Variants in GRIN2A observed in about 807,000 individuals in gnomAD.
GRIN2A encodes the protein glutamate ionotropic receptor NMDA type subunit 2A.
A neutral mutation model predicts 113.4 loss-of-function variants in GRIN2A; 22 were observed. That is an observed-to-expected ratio of 0.19 (90% CI 0.14 to 0.28). The LOEUF (loss-of-function observed/expected upper bound fraction) is 0.28. Ranked by LOEUF, GRIN2A falls within the 10% of genes least tolerant of loss-of-function variation. GRIN2A has a pLI of 1.00. For missense variants in GRIN2A, 1,502 were observed against 1,887.0 expected (o/e 0.80, Z 3.78); for synonymous variants, 827 against 738.4 (o/e 1.12, Z -1.94).
chr16:9,849,690 C>G, intron 5 of GRIN2A, 66 bp downstream of exon 5: 2 of 1,129,060 alleles, frequency 1.8e-6, no homozygotes, highest in African/African-American at 1.5e-5. Flanking sequence ...CATATTGTTA[C>G]TATCGATGAT....
chr16:9,997,631 C>T (rs1406886052), intron 2 of GRIN2A, among the ~76,000 whole-genome samples: 2 of 152,134 alleles, frequency 1.3e-5, no homozygotes, highest in Non-Finnish European at 2.9e-5. Flanking sequence ...TCTGTCTATG[C>T]ATTGATGTGC....
intron 2 of GRIN2A, among the ~76,000 whole-genome samples, chr16:9,938,799 T>A (rs2141634454): frequency 6.6e-6 from 1 of 152,312 alleles, no homozygotes; most frequent in African/African-American, 2.4e-5. Flanking sequence ...TTATCATCTA[T>A]TCTTCTCATT....
At chr16:9,854,381 A>AT (rs2042934151) in intron 4 of GRIN2A, among the ~76,000 whole-genome samples, 3 of 152,002 alleles carry the variant, frequency 2.0e-5, no homozygotes. Flanking sequence ...TCCTAACACC[A>AT]TTTTAAAAAG....
chr16:10,063,145 T>A (rs2047580138), intron 2 of GRIN2A, among the ~76,000 whole-genome samples: 1 of 152,206 alleles, frequency 6.6e-6, no homozygotes, highest in Non-Finnish European at 1.5e-5. Context: ...ATACTTCATG[T>A]TCTCACTTAT....
At chr16:10,170,576 T>C (rs576406313) in intron 2 of GRIN2A, among the ~76,000 whole-genome samples, 11 of 152,304 alleles carry the variant, frequency 7.2e-5, no homozygotes, top group African/African-American at 2.4e-4. Flanking sequence ...TTTACTTGTA[T>C]ATCAGAATAT....
intron 2 of GRIN2A, among the ~76,000 whole-genome samples, chr16:10,156,736 G>A (rs182101198): frequency 6.6e-6 from 1 of 152,312 alleles, no homozygotes; most frequent in Non-Finnish European, 1.5e-5. Flanking sequence ...GGCAAAGCGG[G>A]ACTAACAATG....
intron 8 of GRIN2A, among the ~76,000 whole-genome samples, chr16:9,831,652 A>T (rs1271924650): frequency 6.6e-6 from 1 of 151,398 alleles, no homozygotes; most frequent in Admixed American, 6.6e-5. Context: ...AACTGCTGGG[A>T]CTACAGGAGC....
chr16:9,758,511 T>TC lies in GRIN2A; in HGVS notation c.*4637dup, dbSNP rs1484695840. Reference sequence around the variant, plus strand: ...CCATAAAAATAACCAGAATGGGTTTTCCATGTGTTAATACCATCATCACCA... The same window carrying TC: ...CCATAAAAATAACCAGAATGGGTTTTCCCATGTGTTAATACCATCATCACCA... On this transcript the variant is annotated 3_prime_UTR_variant, in exon 13 of 13. Transcript: ENST00000330684. The TC allele has an allele frequency of 9.3e-6, 2 of 215,082 alleles. No homozygotes were observed. Among genetic ancestry groups the TC allele is most frequent in the Non-Finnish European group, 1.9e-5 (2 of 106,598 alleles). The allele number at this position is 215,082 out of a possible 1,614,324, so 13.3% of individuals were successfully genotyped here.
chr16:9,771,715 C>G (rs1384581606), intron 11 of GRIN2A, among the ~76,000 whole-genome samples: 1 of 152,136 alleles, frequency 6.6e-6, no homozygotes, highest in East Asian at 1.9e-4. Context: ...CTCCCAAGAA[C>G]ACTAGGCTAC....
intron 2 of GRIN2A, among the ~76,000 whole-genome samples, chr16:10,140,124 G>T (rs1236907509): frequency 6.6e-6 from 1 of 152,124 alleles, no homozygotes; most frequent in African/African-American, 2.4e-5. Flanking sequence ...GCTTTGGGCT[G>T]GAATATATAT....
chr16:9,967,407 A>G (rs953242950), intron 2 of GRIN2A, among the ~76,000 whole-genome samples: 2 of 152,210 alleles, frequency 1.3e-5, no homozygotes, highest in Non-Finnish European at 2.9e-5. Context: ...ATGCAAAGGT[A>G]TAAGAATGAT....
At chr16:10,036,455 T>TC in intron 2 of GRIN2A, among the ~76,000 whole-genome samples, 4 of 65,008 alleles carry the variant, frequency 6.2e-5, no homozygotes, top group Admixed American at 1.8e-4. Context: ...TTTTCTTTTT[T>TC]TTTTTTTTTT....
chr16:9,978,665 A>G (rs773027178), intron 2 of GRIN2A, among the ~76,000 whole-genome samples: 7 of 152,310 alleles, frequency 4.6e-5, no homozygotes, highest in Middle Eastern at 6.8e-3. Flanking sequence ...GATCACTGCC[A>G]GTAGGAAAAT....
At chr16:9,813,568 T>G (rs1174917338) in intron 10 of GRIN2A, among the ~76,000 whole-genome samples, 3 of 151,560 alleles carry the variant, frequency 2.0e-5, no homozygotes, top group Non-Finnish European at 4.4e-5. Context: ...GATCTCACTT[T>G]ATTTAACTCC....
chr16:9,883,724 G>A (rs991338796), intron 4 of GRIN2A, among the ~76,000 whole-genome samples: 2 of 152,250 alleles, frequency 1.3e-5, no homozygotes, highest in African/African-American at 4.8e-5. Flanking sequence ...TCAGCCACGT[G>A]TGGTGCTGTA....
chr16:10,082,791 G>A (rs2048009039), intron 2 of GRIN2A, among the ~76,000 whole-genome samples: 1 of 152,182 alleles, frequency 6.6e-6, no homozygotes, highest in Non-Finnish European at 1.5e-5. Context: ...CACAAGCCAA[G>A]AACAAATAAT....
At chr16:9,805,953 CT>C (rs1028150854) in intron 10 of GRIN2A, among the ~76,000 whole-genome samples, 3 of 152,172 alleles carry the variant, frequency 2.0e-5, no homozygotes, top group African/African-American at 7.2e-5. Flanking sequence ...CTAAAACTGG[CT>C]TTGGGAAAAT....
chr16:9,969,814 T>C (rs989599388), intron 2 of GRIN2A, among the ~76,000 whole-genome samples: 5 of 152,232 alleles, frequency 3.3e-5, no homozygotes, highest in African/African-American at 4.8e-5. Context: ...GAAAGCTCCC[T>C]ATTCACAAAT....
rs989733412 is a variant in GRIN2A at position 9,873,072 on chromosome 16, G to T, written c.1122+17914C>A. Among the ~76,000 whole-genome samples the T allele has an allele frequency of 1.4e-4, 22 of 151,970 alleles. No homozygotes were observed. In the East Asian group the frequency reaches 2.9e-3, roughly 20 times the overall value. ...GTGTTAGAAAAAAGAAAGAATGAAA[G>T]AAAAAGAAATAAGGACAAATACTGC... is the stretch of plus-strand genomic sequence containing the variant. On this transcript the variant is annotated intron_variant, in intron 4 of 12. Transcript: ENST00000330684.
Sources: allele counts gnomAD v4.1 joint callset (sites outside exome capture counted in the v4.1 genomes callset), GRCh38; gene constraint gnomAD v4.1.1; transcripts MANE v1.5; gene names NCBI Gene and HGNC (gene_info 2026-07-23, HGNC 2026-07-21).